Variants in POC1B observed in about 807,000 individuals in gnomAD.
The protein encoded by POC1B is POC1 centriolar protein B, also known as POC1 centriolar protein homolog B.
In POC1B, 44 loss-of-function variants were observed where a neutral mutation model predicts 60.6. The ratio of observed to expected loss-of-function variants is 0.73; its 90% CI spans 0.57 to 0.93. The LOEUF (loss-of-function observed/expected upper bound fraction) is 0.93. Among genes scored for constraint, POC1B ranks in the 40% least tolerant of loss-of-function variants. POC1B has a pLI of 0.00. For missense variants in POC1B, 555 were observed against 572.3 expected (o/e 0.97, Z 0.31); for synonymous variants, 180 against 198.9 (o/e 0.90, Z 0.80).
intron 2 of POC1B, chr12:89,523,882 A>T (rs1469743149): frequency 6.4e-7 from 1 of 1,573,882 alleles, no homozygotes. Context: ...CAGGAAAGTG[A>T]GGACGTCCCC....
chr12:89,405,767 C>A, the POC1B span, among the ~76,000 whole-genome samples: 2 of 151,664 alleles, frequency 1.3e-5, no homozygotes, highest in African/African-American at 4.8e-5. Context: ...CCAGCATGGG[C>A]AGCATGGTGA....
intron 2 of POC1B, chr12:89,502,512 T>C: frequency 9.3e-7 from 1 of 1,078,262 alleles, no homozygotes; most frequent in Admixed American, 2.0e-5. Flanking sequence ...AGGATCTGTC[T>C]TGATAACGAT....
rs55976139 is a variant in POC1B, at chr12:89,509,825, C to T, written c.101-12483G>A. ...GGAACCACACCACTGCAAAAACAAT[C>T]CCACTAACTAGAGTTCAGGATTCAA... On this transcript the variant is annotated intron_variant, in intron 2 of 11. Transcript: ENST00000313546. Among the ~76,000 whole-genome samples, 1,030 of 152,214 alleles carry T rather than the reference C, an allele frequency of 6.8e-3. 12 individuals carry two copies. Among genetic ancestry groups the T allele is most frequent in the African/African-American group, 0.024 (993 of 41,518 alleles).
At chr12:89,439,168 TG>T (rs1367198510) in intron 10 of POC1B, among the ~76,000 whole-genome samples, 1 of 152,218 alleles carries the variant, frequency 6.6e-6, no homozygotes, top group African/African-American at 2.4e-5. Context: ...TCTCTTCAAC[TG>T]GCAGGAAGCT....
intron 2 of POC1B, among the ~76,000 whole-genome samples, chr12:89,516,103 A>G (rs1870430064): frequency 6.6e-6 from 1 of 152,114 alleles, no homozygotes; most frequent in Non-Finnish European, 1.5e-5. Flanking sequence ...ATGATTCTCT[A>G]TTAGTTTCTT....
chr12:89,426,590 G>A (rs1461511868), intron 10 of POC1B: 4 of 152,206 alleles, frequency 2.6e-5, no homozygotes, highest in African/African-American at 9.6e-5. Flanking sequence ...CACTTTGGGA[G>A]GCCAAGGTGG....
At chr12:89,428,997 C>T (rs1195703507) in intron 10 of POC1B, 2 of 152,102 alleles carry the variant, frequency 1.3e-5, no homozygotes, top group Non-Finnish European at 2.9e-5. Flanking sequence ...ATTGTAATAA[C>T]AGCTTCAGAC....
At chr12:89,486,258 G>T (rs1426288384) in intron 4 of POC1B, among the ~76,000 whole-genome samples, 1 of 152,166 alleles carries the variant, frequency 6.6e-6, no homozygotes, top group Admixed American at 6.5e-5. Flanking sequence ...GGGAAGAGAG[G>T]CCTAAGCTGA....
At chr12:89,427,182 G>C (rs1880801429) in intron 10 of POC1B, 1 of 152,162 alleles carries the variant, frequency 6.6e-6, no homozygotes, top group African/African-American at 2.4e-5. Context: ...GTGTGGCACT[G>C]ACATAAGAAT....
intron 7 of POC1B, among the ~76,000 whole-genome samples, chr12:89,467,997 G>C (rs1435007245): frequency 1.3e-5 from 2 of 152,112 alleles, no homozygotes; most frequent in Non-Finnish European, 2.9e-5. Flanking sequence ...AAGATTTTCT[G>C]GCTTTGGACT....
At chr12:89,492,654 T>C (rs564791151) in intron 3 of POC1B, among the ~76,000 whole-genome samples, 6 of 152,338 alleles carry the variant, frequency 3.9e-5, no homozygotes, top group African/African-American at 1.4e-4. Flanking sequence ...ATGTTCACAC[T>C]GATCTCCCAT....
intron 5 of POC1B, 112 bp downstream of exon 5, chr12:89,472,056 C>T (rs1178042663): frequency 2.5e-6 from 2 of 788,640 alleles, no homozygotes; most frequent in Admixed American, 5.0e-5. Context: ...GCGTGAGCCA[C>T]TGCACCCGGC....
chr12:89,423,533 C>T (rs1880632616), intron 11 of POC1B, among the ~76,000 whole-genome samples: 1 of 152,170 alleles, frequency 6.6e-6, no homozygotes, highest in Non-Finnish European at 1.5e-5. Context: ...CTCCATCTGT[C>T]TACCATCTAA....
downstream of POC1B, among the ~76,000 whole-genome samples, chr12:89,418,428 T>A (rs1469649722): frequency 6.6e-6 from 1 of 152,160 alleles, no homozygotes; most frequent in Non-Finnish European, 1.5e-5. Context: ...AGCCACGTGC[T>A]TTGACTCAGG....
At chr12:89,511,628 G>C (rs906162620) in intron 2 of POC1B, among the ~76,000 whole-genome samples, 3 of 152,094 alleles carry the variant, frequency 2.0e-5, no homozygotes, top group African/African-American at 7.2e-5. Flanking sequence ...GCTTGCCTTT[G>C]GGTCACAAAA....
chr12:89,429,254 T>C (rs1880919345), intron 10 of POC1B: 1 of 152,140 alleles, frequency 6.6e-6, no homozygotes, highest in South Asian at 2.1e-4. Flanking sequence ...GGGTGCCAGC[T>C]CTCCATCCTA....
the POC1B span, among the ~76,000 whole-genome samples, chr12:89,410,191 C>A: frequency 6.6e-6 from 1 of 152,084 alleles, no homozygotes; most frequent in Admixed American, 6.5e-5. Context: ...ATAAACAGAA[C>A]CAGTGACAAA....
chr12:89,459,626 AAC>A lies in POC1B; in HGVS notation c.1113+10_1113+11del. 7.1e-7 allele frequency: 1 copy of A among 1,401,612 alleles called. No individual in the cohort carries two copies. The highest frequency in any genetic ancestry group is 9.6e-7 in the Non-Finnish European group (1 of 1,039,584). 86.8% of individuals were successfully genotyped at this position (1,401,612 alleles called of 1,614,324 possible). A position where few individuals can be genotyped will look rare whatever the true frequency, so the allele number is the denominator to read the frequency against. Reference sequence around the variant, plus strand: ...CTTAAGTGTCAAAAAAAAAAAAAAAAACCCGACTTACTGTGGTAGAATCAAAA... The same window carrying A: ...CTTAAGTGTCAAAAAAAAAAAAAAAACCGACTTACTGTGGTAGAATCAAAA... On this transcript the variant is annotated intron_variant, in intron 10 of 11. Transcript: ENST00000313546.
chr12:89,522,007 T>C (rs1870922373), intron 2 of POC1B: 1 of 398,886 alleles, frequency 2.5e-6, no homozygotes, highest in African/African-American at 2.1e-5. Context: ...GATGAGTCCC[T>C]TTCTAGTACA....
Sources: allele counts gnomAD v4.1 joint callset (sites outside exome capture counted in the v4.1 genomes callset), GRCh38; gene constraint gnomAD v4.1.1; transcripts MANE v1.5; gene names NCBI Gene and HGNC (gene_info 2026-07-23, HGNC 2026-07-21).